Variants in TBC1D14 observed in about 807,000 individuals in gnomAD.
TBC1D14 encodes TBC1 domain family member 14, also known as TBC1 domain family, member 14.
In TBC1D14, 26 loss-of-function variants were observed where a neutral mutation model predicts 79.0. The ratio of observed to expected loss-of-function variants is 0.33; its 90% CI spans 0.24 to 0.46. TBC1D14 has a LOEUF of 0.46. TBC1D14 is among the 20% of genes least tolerant of loss of function. The pLI, the probability that TBC1D14 is intolerant of heterozygous loss-of-function variation, is 1.00. For missense variants in TBC1D14, 769 were observed against 887.6 expected (o/e 0.87, Z 1.70); for synonymous variants, 394 against 349.9 (o/e 1.13, Z -1.40).
rs1720315895 is a variant in TBC1D14 at position 7,007,449 on chromosome 4, G to T, written c.1446+723G>T. The T allele has an allele frequency of 1.7e-5, 16 of 933,876 alleles. No individual in the cohort carries two copies. The South Asian group carries it at 1.8e-4, about 11-fold the overall frequency. 57.8% of individuals were successfully genotyped at this position (933,876 alleles called of 1,614,324 possible). A position where few individuals can be genotyped will look rare whatever the true frequency, so the allele number is the denominator to read the frequency against. ...TTGATCCCTTTCTTATCTATAACGG[G>T]TTTTTGCGGGGGCAGTTGTTCTTGC... On this transcript the variant is annotated intron_variant, in intron 9 of 13. Coordinates refer to ENST00000409757, the MANE Select transcript of TBC1D14 (RefSeq NM_020773.3).
intron 1 of TBC1D14, among the ~76,000 whole-genome samples, chr4:6,917,979 C>T (rs1021128755): frequency 2.6e-5 from 4 of 152,116 alleles, no homozygotes; most frequent in African/African-American, 9.7e-5. Flanking sequence ...GGTTTATTTC[C>T]CTGAAAACTG....
At chr4:6,994,828 C>T (rs1435402871) in intron 4 of TBC1D14, among the ~76,000 whole-genome samples, 1 of 150,114 alleles carries the variant, frequency 6.7e-6, no homozygotes, top group Non-Finnish European at 1.5e-5. Flanking sequence ...CCATTAATTA[C>T]ACTCCAGCCT....
At chr4:6,913,105 C>G (rs1266020329) in intron 1 of TBC1D14, among the ~76,000 whole-genome samples, 1 of 152,124 alleles carries the variant, frequency 6.6e-6, no homozygotes, top group Non-Finnish European at 1.5e-5. Flanking sequence ...AAGCGATTCT[C>G]CTGCCTCAGC....
At chr4:7,011,347 G>T (rs1026758797) in intron 11 of TBC1D14, among the ~76,000 whole-genome samples, 1 of 144,704 alleles carries the variant, frequency 6.9e-6, no homozygotes, top group African/African-American at 2.5e-5. Flanking sequence ...GACAGTGGGG[G>T]GTAGGGTTTA....
At chr4:7,013,549 C>T (rs984455007) in intron 11 of TBC1D14, among the ~76,000 whole-genome samples, 15 of 152,196 alleles carry the variant, frequency 9.9e-5, no homozygotes, top group Non-Finnish European at 1.5e-5. Context: ...AACCGTCCAC[C>T]GTTGGAAAGC....
intron 1 of TBC1D14, among the ~76,000 whole-genome samples, chr4:6,921,227 C>T (rs1723828935): frequency 6.6e-6 from 1 of 151,300 alleles, no homozygotes; most frequent in South Asian, 2.1e-4. Context: ...ATTTTTGAGA[C>T]AGGGTCTCTT....
At chr4:6,987,376 C>T (rs1198695020) in intron 3 of TBC1D14, 2 of 1,415,190 alleles carry the variant, frequency 1.4e-6, no homozygotes, top group African/African-American at 1.5e-5. Context: ...GCCGGTGCCT[C>T]TCCCTGCGCC....
At chr4:6,966,323 C>T (rs565381642) in intron 2 of TBC1D14, among the ~76,000 whole-genome samples, 51 of 152,336 alleles carry the variant, frequency 3.3e-4, no homozygotes, top group Admixed American at 6.5e-4. Flanking sequence ...TGCATTGATA[C>T]AGTGCATTCC....
intron 2 of TBC1D14, among the ~76,000 whole-genome samples, chr4:6,938,381 G>T (rs549147792): frequency 2.0e-5 from 3 of 152,184 alleles, no homozygotes; most frequent in Non-Finnish European, 4.4e-5. Context: ...AGCAAGGGGG[G>T]AAGTCAATGC....
rs761525729 is a variant in TBC1D14, at chr4:6,994,319, T to C, written c.962+17T>C. ...CAGACCAGCGTGAGTTTAAGAAGAC[T>C]CTCTTTAGAGTGTTTGCTTTAGGAA... On this transcript the variant is annotated intron_variant, in intron 4 of 13. Transcript: ENST00000409757. 1 of 1,605,690 alleles carries C rather than the reference T, an allele frequency of 6.2e-7. No homozygotes were observed. The highest frequency in any genetic ancestry group is 1.1e-5 in the South Asian group (1 of 90,920).
chr4:6,970,645 G>A (rs533179672), intron 3 of TBC1D14, among the ~76,000 whole-genome samples: 21 of 152,370 alleles, frequency 1.4e-4, no homozygotes, highest in Non-Finnish European at 2.5e-4. Context: ...CTACCTCAAG[G>A]AGCCTGTGGC....
intron 6 of TBC1D14, among the ~76,000 whole-genome samples, chr4:6,999,726 A>G (rs1719467468): frequency 6.6e-6 from 1 of 151,652 alleles, no homozygotes. Flanking sequence ...TGCTCTCCAA[A>G]GCTCAGGGAA....
At chr4:7,025,321 G>A (rs1245755263) in intron 13 of TBC1D14, 59 bp downstream of exon 13, 3 of 1,600,446 alleles carry the variant, frequency 1.9e-6, no homozygotes, top group African/African-American at 2.7e-5. Flanking sequence ...GCGCGACTCA[G>A]GAAGGCCCCT....
At chr4:7,006,838 TAGG>T (rs1279677915) in intron 9 of TBC1D14, 112 bp downstream of exon 9, 2 of 834,636 alleles carry the variant, frequency 2.4e-6, no homozygotes, top group South Asian at 1.7e-5. Context: ...TTGGGGGTGT[TAGG>T]AGGTAGGGTG....
intron 12 of TBC1D14, among the ~76,000 whole-genome samples, chr4:7,021,046 G>A (rs184030279): frequency 6.6e-5 from 10 of 152,340 alleles, no homozygotes; most frequent in African/African-American, 1.7e-4. Context: ...GTTCTGTTCC[G>A]TGGATGCCGT....
At chr4:6,915,289 C>G (rs528683076) in intron 1 of TBC1D14, among the ~76,000 whole-genome samples, 1 of 152,324 alleles carries the variant, frequency 6.6e-6, no homozygotes, top group African/African-American at 2.4e-5. Flanking sequence ...CCTGAGAGGC[C>G]TTGCGGAGAA....
At chr4:7,027,136 G>C (rs1722458342) in intron 13 of TBC1D14, among the ~76,000 whole-genome samples, 1 of 151,970 alleles carries the variant, frequency 6.6e-6, no homozygotes, top group African/African-American at 2.4e-5. Flanking sequence ...GCTAGAACCT[G>C]GGTGGCAGAG....
In TBC1D14 at chr4:6,994,152, ACCTGGAGTCATC is replaced by A; in HGVS notation, c.844-26_844-15del. The A allele has an allele frequency of 6.4e-7, 1 of 1,557,008 alleles. No homozygotes were observed. The highest frequency in any genetic ancestry group is 8.9e-7 in the Non-Finnish European group (1 of 1,127,880). On this transcript the variant is annotated intron_variant, in intron 3 of 13. Coordinates refer to ENST00000409757, the MANE Select transcript of TBC1D14 (RefSeq NM_020773.3). ...GAAGGACTTCATCCTATCTGAAAGGACCTGGAGTCATCCCTGGTTTCTTTGTCCTAGGAATAT... is the reference window on the plus strand; with the variant it reads ...GAAGGACTTCATCCTATCTGAAAGGACCTGGTTTCTTTGTCCTAGGAATAT...
chr4:6,984,601 A>G (rs1209999793), intron 3 of TBC1D14, among the ~76,000 whole-genome samples: 6 of 152,320 alleles, frequency 3.9e-5, no homozygotes, highest in East Asian at 1.9e-4. Flanking sequence ...CAAGACAGGA[A>G]AATCCTTTCC....
Sources: allele counts gnomAD v4.1 joint callset (sites outside exome capture counted in the v4.1 genomes callset), GRCh38; gene constraint gnomAD v4.1.1; transcripts MANE v1.5; gene names NCBI Gene and HGNC (gene_info 2026-07-23, HGNC 2026-07-21).